Variants in FGD6 observed in about 807,000 individuals in gnomAD.
The protein encoded by FGD6 is FYVE, RhoGEF and PH domain containing 6.
A neutral mutation model predicts 149.4 loss-of-function variants in FGD6; 90 were observed. The ratio of observed to expected loss-of-function variants is 0.60; its 90% confidence interval spans 0.51 to 0.72. FGD6 has a LOEUF of 0.72. Among genes scored for constraint, FGD6 ranks in the 30% least tolerant of loss-of-function variants. The pLI is 0.00. For synonymous variants in FGD6, 527 were observed against 584.0 expected (o/e 0.90, Z 1.41); for missense variants, 1,437 against 1,684.8 (o/e 0.85, Z 2.57).
chr12:95,183,458 G>A (rs1881341420), intron 2 of FGD6, among the ~76,000 whole-genome samples: 1 of 152,206 alleles, frequency 6.6e-6, no homozygotes, highest in Non-Finnish European at 1.5e-5. Flanking sequence ...AACTGCTGTT[G>A]ATCTCACCCG....
intron 14 of FGD6, among the ~76,000 whole-genome samples, chr12:95,101,693 T>TC (rs1267781728): frequency 6.9e-6 from 1 of 145,296 alleles, no homozygotes; most frequent in Non-Finnish European, 1.5e-5. Context: ...TTTTTTTTTT[T>TC]TTTTTTTTGA....
intron 17 of FGD6, among the ~76,000 whole-genome samples, chr12:95,091,408 C>T (rs1362904158): frequency 6.6e-6 from 1 of 152,180 alleles, no homozygotes; most frequent in Admixed American, 6.5e-5. Flanking sequence ...TCATGTGAAA[C>T]TATAGACTTC....
rs1877850049 is a variant in FGD6, at chr12:95,085,928, C to T, written c.3979-20G>A. 2 of 1,589,740 alleles carry T rather than the reference C, an allele frequency of 1.3e-6. No individual in the cohort carries two copies. The highest frequency in any genetic ancestry group is 1.7e-6 in the Non-Finnish European group (2 of 1,173,430). The stretch of plus-strand genomic sequence containing the variant: ...TGATACCTAGATAAGAAACCCCATA[C>T]AAAGTTTAATGGTTTTCAGACAAAT... On this transcript the variant is annotated intron_variant, in intron 18 of 20. Transcript: ENST00000343958.
chr12:95,163,280 C>T (rs919705481), intron 3 of FGD6, among the ~76,000 whole-genome samples: 1 of 152,074 alleles, frequency 6.6e-6, no homozygotes, highest in Non-Finnish European at 1.5e-5. Context: ...TGACTTGCTT[C>T]CCCAGCACTT....
chr12:95,196,465 C>A (rs548205078), intron 2 of FGD6, among the ~76,000 whole-genome samples: 1 of 151,414 alleles, frequency 6.6e-6, no homozygotes, highest in African/African-American at 2.4e-5. Flanking sequence ...CTCCTGACCT[C>A]GTGATCCACC....
chr12:95,142,142 A>ATTTTT (rs542164287), intron 5 of FGD6, among the ~76,000 whole-genome samples: 1 of 132,672 alleles, frequency 7.5e-6, no homozygotes, highest in Non-Finnish European at 1.6e-5. Context: ...TCACTTTTGT[A>ATTTTT]TTTTTTTTTT....
rs60971253 is a variant in FGD6, at chr12:95,083,040, T to TACAC, written c.4256+1454_4256+1457dup. 4.8e-4 allele frequency among the ~76,000 whole-genome samples: 36 copies of TACAC among 74,744 alleles called. 1 individual carries two copies. The highest frequency in any genetic ancestry group is 1.2e-3 in the East Asian group (3 of 2,532). The allele number at this position is 74,744 out of a possible 152,430, so 49.0% of individuals were successfully genotyped here. On this transcript the variant is annotated intron_variant, in intron 20 of 20. Coordinates refer to ENST00000343958, the MANE Select transcript of FGD6 (RefSeq NM_018351.4). ...ATATATATATATATATACACACACA[T>TACAC]ACACACACACACACACACACACAGA...
At chr12:95,195,600 A>G (rs930519084) in intron 2 of FGD6, among the ~76,000 whole-genome samples, 2 of 149,512 alleles carry the variant, frequency 1.3e-5, no homozygotes, top group African/African-American at 4.9e-5. Flanking sequence ...ATTTAATTTG[A>G]GAGGAAAAAA....
chr12:95,113,997 A>T (rs116426500), intron 8 of FGD6, among the ~76,000 whole-genome samples: 408 of 152,320 alleles, frequency 2.7e-3, no homozygotes, highest in African/African-American at 9.2e-3. Flanking sequence ...CAGAGCCAGC[A>T]TGAGAATTCA....
At chr12:95,156,747 G>A (rs1322431047) in intron 3 of FGD6, among the ~76,000 whole-genome samples, 1 of 152,054 alleles carries the variant, frequency 6.6e-6, no homozygotes, top group Non-Finnish European at 1.5e-5. Context: ...GCCGACATGT[G>A]ATGTCTCCCC....
At chr12:95,167,486 A>T (rs923403671) in intron 3 of FGD6, among the ~76,000 whole-genome samples, 6 of 151,782 alleles carry the variant, frequency 4.0e-5, no homozygotes, top group African/African-American at 1.5e-4. Flanking sequence ...ATGATGTTGA[A>T]CACCTTTTTA....
chr12:95,211,136 G>C lies in FGD6; in HGVS notation c.148C>G (p.Pro50Ala). ...SVPQSTKKMK[P>A]AIAPKPKVLK... ...ACTTTTGGTTTTGGGGCTATTGCTG[G>C]TTTCATTTTCTTTGTCGACTGTGGA... Residue 50 changes from proline (P) to alanine (A), a missense_variant, in exon 2 of 21, where the codon CCA becomes GCA. Transcript: ENST00000343958. 7 of 1,614,158 alleles carry C rather than the reference G, an allele frequency of 4.3e-6. No homozygotes were observed. The highest frequency in any genetic ancestry group is 5.9e-6 in the Non-Finnish European group (7 of 1,180,028).
intron 8 of FGD6, chr12:95,126,417 G>A: frequency 8.1e-7 from 1 of 1,235,876 alleles, no homozygotes; most frequent in Non-Finnish European, 1.1e-6. Flanking sequence ...AACAATAAAG[G>A]TTCTTTAAAA....
Position 95,105,004 on chromosome 12 carries a change from T to C in FGD6, c.3497+3A>G, listed in dbSNP as rs200598015. ...AAAAAAAAAAGAAGAAGAAAAAATT[T>C]ACCTGGCTGAGAGAATGAAGGAACG... On this transcript the variant is annotated splice_donor_region_variant and intron_variant, in intron 14 of 20. Transcript: ENST00000343958. The C allele has an allele frequency of 1.8e-5, 28 of 1,574,338 alleles. No individual in the cohort carries two copies. The African/African-American group carries it at 3.1e-4, about 17-fold the overall frequency.
chr12:95,166,879 C>CA (rs1880836020), intron 3 of FGD6, among the ~76,000 whole-genome samples: 1 of 118,074 alleles, frequency 8.5e-6, no homozygotes. Context: ...TTTTTTGAGT[C>CA]AGAGTCTCAC....
chr12:95,099,181 C>T (rs1407727705), intron 14 of FGD6, among the ~76,000 whole-genome samples: 1 of 152,120 alleles, frequency 6.6e-6, no homozygotes, highest in Non-Finnish European at 1.5e-5. Flanking sequence ...CTGACTTGAC[C>T]CTTTTAATTT....
chr12:95,190,920 A>T (rs56030284), intron 2 of FGD6, among the ~76,000 whole-genome samples: 14,092 of 152,164 alleles, frequency 0.093, 864 homozygotes, highest in African/African-American at 0.17. Flanking sequence ...TAAAAAATAC[A>T]TTAAAATGTC....
intron 6 of FGD6, among the ~76,000 whole-genome samples, chr12:95,138,098 T>TAATC (rs1879727563): frequency 1.3e-5 from 2 of 151,848 alleles, no homozygotes; most frequent in Admixed American, 1.3e-4. Context: ...TGCATGCCTG[T>TAATC]AATCCCAAGA....
chr12:95,202,000 ATCT>A (rs1438241533), intron 2 of FGD6, among the ~76,000 whole-genome samples: 1 of 138,482 alleles, frequency 7.2e-6, no homozygotes, highest in African/African-American at 2.8e-5. Context: ...ACACACACAC[ATCT>A]TCTTCTTCCA....
Sources: allele counts gnomAD v4.1 joint callset (sites outside exome capture counted in the v4.1 genomes callset), GRCh38; gene constraint gnomAD v4.1.1; transcripts MANE v1.5; gene names NCBI Gene and HGNC (gene_info 2026-07-23, HGNC 2026-07-21).